PI4KA: variants seen among roughly 807,000 people sequenced by gnomAD.
The protein encoded by PI4KA is PI4-kinase alpha.
A neutral mutation model predicts 271.4 loss-of-function variants in PI4KA; 122 were observed. The observed-to-expected ratio is 0.45, with a 90% CI of 0.39 to 0.52. The LOEUF is 0.52. Ranked by LOEUF, PI4KA falls within the 20% of genes least tolerant of loss-of-function variation. PI4KA has a pLI of 0.00. For synonymous variants in PI4KA, 1,041 were observed against 1,078.8 expected (o/e 0.96, Z 0.69); for missense variants, 1,969 against 2,769.1 (o/e 0.71, Z 6.48).
At chr22:20,834,924 T>C (rs906040225) in intron 2 of PI4KA, among the ~76,000 whole-genome samples, 3 of 152,204 alleles carry the variant, frequency 2.0e-5, no homozygotes, top group African/African-American at 7.2e-5. Context: ...GGGTCCAGCC[T>C]GCTCAGGCCT....
intron 27 of PI4KA, among the ~76,000 whole-genome samples, chr22:20,750,950 C>A (rs1343396225): frequency 6.6e-6 from 1 of 152,216 alleles, no homozygotes; most frequent in Non-Finnish European, 1.5e-5. Flanking sequence ...GAAGTGAAGT[C>A]CACCTGAAAA....
intron 1 of PI4KA, among the ~76,000 whole-genome samples, chr22:20,855,506 T>C (rs1927485785): frequency 1.3e-5 from 2 of 152,286 alleles, no homozygotes; most frequent in East Asian, 3.9e-4. Flanking sequence ...CACATGTATA[T>C]AGTTGTACTC....
chr22:20,758,201 TA>T (rs1161374998), intron 23 of PI4KA, among the ~76,000 whole-genome samples: 1 of 151,640 alleles, frequency 6.6e-6, no homozygotes, highest in Non-Finnish European at 1.5e-5. Context: ...CCGTCTCTAC[TA>T]AAAATACAAA....
At chr22:20,853,438 A>T (rs1927228036) in intron 1 of PI4KA, among the ~76,000 whole-genome samples, 1 of 152,224 alleles carries the variant, frequency 6.6e-6, no homozygotes, top group South Asian at 2.1e-4. Context: ...GAACAAGACT[A>T]GCGGGCAGAT....
intron 1 of PI4KA, among the ~76,000 whole-genome samples, chr22:20,844,950 C>A (rs763925581): frequency 6.6e-6 from 1 of 152,016 alleles, no homozygotes; most frequent in African/African-American, 2.4e-5. Context: ...AATAAACTAG[C>A]AAGTTGTTTG....
chr22:20,770,579 G>GACACGGAC (rs1932827964), intron 19 of PI4KA, among the ~76,000 whole-genome samples: 1 of 96,064 alleles, frequency 1.0e-5, no homozygotes, highest in Non-Finnish European at 2.0e-5. Context: ...GCTGGACACG[G>GACACGGAC]ACACACACAC....
At chr22:20,713,586 G>A (rs540037476) in intron 47 of PI4KA, among the ~76,000 whole-genome samples, 196 bp from the exon 48 acceptor site, 8 of 152,214 alleles carry the variant, frequency 5.3e-5, no homozygotes, top group Non-Finnish European at 1.2e-4. Context: ...GGAATCCAGG[G>A]TTGGAGTCTA....
At chr22:20,825,658 G>A (rs1296075384) in intron 3 of PI4KA, among the ~76,000 whole-genome samples, 1 of 152,128 alleles carries the variant, frequency 6.6e-6, no homozygotes, top group African/African-American at 2.4e-5. Flanking sequence ...TTTGGGATCT[G>A]TCAGTTTTAG....
intron 19 of PI4KA, chr22:20,779,357 A>G: frequency 6.2e-7 from 1 of 1,614,196 alleles, no homozygotes; most frequent in Non-Finnish European, 8.5e-7. Flanking sequence ...TCATCATAAC[A>G]TCTGCGTGGG....
At chr22:20,828,132 G>A (rs1360368802) in intron 3 of PI4KA, among the ~76,000 whole-genome samples, 4 of 152,182 alleles carry the variant, frequency 2.6e-5, no homozygotes, top group Middle Eastern at 3.4e-3. Context: ...GAATGGGACT[G>A]TGTTCTTGAT....
In PI4KA at chr22:20,799,660, T is replaced by G. The variant is rs1447178029; in HGVS notation, c.1820+11A>C. 3.2e-6 allele frequency: 5 copies of G among 1,542,982 alleles called. No homozygotes were observed. Among genetic ancestry groups the G allele is most frequent in the Non-Finnish European group, 4.4e-6 (5 of 1,139,256 alleles). On this transcript the variant is annotated intron_variant, in intron 15 of 54. Coordinates refer to ENST00000255882, the MANE Select transcript of PI4KA (RefSeq NM_058004.4). ...ATGGGCTGCCTCTGAGAGACAGGAA[T>G]AGGGGCGTACTTGTCGCTCTCCTGA... is the stretch of plus-strand genomic sequence containing the variant.
At chr22:20,754,806 G>C (rs1931096940) in intron 23 of PI4KA, among the ~76,000 whole-genome samples, 1 of 152,154 alleles carries the variant, frequency 6.6e-6, no homozygotes, top group Non-Finnish European at 1.5e-5. Flanking sequence ...AAATTAGCCA[G>C]GCATGGTAGC....
At chr22:20,764,237 G>A (rs971611623) in intron 22 of PI4KA, among the ~76,000 whole-genome samples, 6 of 152,120 alleles carry the variant, frequency 3.9e-5, no homozygotes, top group Non-Finnish European at 7.3e-5. Context: ...CGGGGAGTGC[G>A]TAAACATGTG....
At chr22:20,752,838 C>T in intron 25 of PI4KA, 65 bp downstream of exon 25, 4 of 1,533,996 alleles carry the variant, frequency 2.6e-6, no homozygotes, top group Non-Finnish European at 3.6e-6. Flanking sequence ...TGATTTTTCC[C>T]AGCATTTGAA....
chr22:20,751,551 G>T, intron 26 of PI4KA, 123 bp downstream of exon 26: 1 of 996,172 alleles, frequency 1.0e-6, no homozygotes, highest in Non-Finnish European at 1.6e-6. Context: ...CTCGACACCT[G>T]TAGCATTAAT....
intron 19 of PI4KA, among the ~76,000 whole-genome samples, chr22:20,788,229 A>G (rs1934395878): frequency 6.6e-6 from 1 of 152,104 alleles, no homozygotes; most frequent in Admixed American, 6.5e-5. Flanking sequence ...GAGTTCTGAA[A>G]CCTGTCCAAG....
chr22:20,776,464 T>A (rs1933287706), intron 19 of PI4KA, among the ~76,000 whole-genome samples: 2 of 152,238 alleles, frequency 1.3e-5, no homozygotes, highest in African/African-American at 4.8e-5. Context: ...AATGTGACTT[T>A]CCTGCTCCAA....
At chr22:20,832,962 C>A (rs1924386355) in intron 3 of PI4KA, among the ~76,000 whole-genome samples, 1 of 152,232 alleles carries the variant, frequency 6.6e-6, no homozygotes, top group African/African-American at 2.4e-5. Flanking sequence ...CAAGAAGACA[C>A]TGGCTTTTGG....
chr22:20,793,336 T>A (rs1188941818), intron 18 of PI4KA, 93 bp from the exon 19 acceptor site: 1 of 725,570 alleles, frequency 1.4e-6, no homozygotes, highest in Non-Finnish European at 2.4e-6. Context: ...TATGTAAACC[T>A]GGAATGTCTT....
Sources: gnomAD v4.1 joint callset for allele counts (sites outside exome capture counted in the v4.1 genomes callset) on GRCh38, gnomAD v4.1.1 for gene constraint, MANE v1.5 for transcripts, NCBI Gene and HGNC (gene_info 2026-07-23, HGNC 2026-07-21) for gene names.